The following CSMD1 variants were observed in gnomAD, a reference collection of about 807,000 sequenced individuals.
CSMD1 encodes the protein CUB and sushi domain-containing protein 1.
CSMD1 carries 213 observed loss-of-function variants against 417.5 expected under a neutral mutation model. That is an observed-to-expected ratio of 0.51 (90% CI 0.46 to 0.57). The LOEUF (loss-of-function observed/expected upper bound fraction) is 0.57, where lower values mean the gene tolerates loss of function less well. CSMD1 is among the 20% of genes least tolerant of loss of function. CSMD1 has a pLI of 0.00. For missense variants in CSMD1, 6,923 were observed against 4,529.7 expected (o/e 1.53, Z -15.17); for synonymous variants, 2,862 against 1,736.8 (o/e 1.65, Z -16.11).
At chr8:4,211,069 T>C (rs1345859618) in intron 3 of CSMD1, among the ~76,000 whole-genome samples, 3 of 152,234 alleles carry the variant, frequency 2.0e-5, no homozygotes, top group Non-Finnish European at 4.4e-5. Flanking sequence ...AAGAAATTCA[T>C]GTTCACATAT....
At chr8:4,074,431 G>A (rs1296360612) in intron 3 of CSMD1, among the ~76,000 whole-genome samples, 3 of 151,974 alleles carry the variant, frequency 2.0e-5, no homozygotes, top group African/African-American at 4.8e-5. Flanking sequence ...TTTTGTACAT[G>A]ATTATTTACT....
At chr8:4,543,143 T>TA (rs1038997478) in intron 2 of CSMD1, among the ~76,000 whole-genome samples, 14 of 152,218 alleles carry the variant, frequency 9.2e-5, no homozygotes, top group African/African-American at 1.2e-4. Flanking sequence ...TGAATACTGA[T>TA]ACATTATTGA....
Position 2,984,982 on chromosome 8 carries a change from A to T in CSMD1, c.8378-6182T>A, listed in dbSNP as rs533621356. Among the ~76,000 whole-genome samples the T allele has an allele frequency of 9.4e-4, 143 of 152,356 alleles. 1 individual carries two copies. Among genetic ancestry groups the T allele is most frequent in the African/African-American group, 3.4e-3 (140 of 41,586 alleles). ...TTAAAGTATAACTTCTTTAAGTTTG[A>T]ATTTTAAGTTAACAGTTAACTCTGA... On this transcript the variant is annotated intron_variant, in intron 54 of 69. Coordinates refer to ENST00000635120, the MANE Select transcript of CSMD1 (RefSeq NM_033225.6).
rs2128919605 is a variant in CSMD1, at chr8:2,951,310, C to T, written c.10040-35G>A. 3.2e-6 allele frequency: 5 copies of T among 1,562,856 alleles called. No individual in the cohort carries two copies. The East Asian group carries it at 1.1e-4, about 36-fold the overall frequency. ...GGGGGGAAACAGACCAATGTCAGCA[C>T]ACACACAAACAATAAATTCAGACAT... is the stretch of plus-strand genomic sequence containing the variant. On this transcript the variant is annotated intron_variant, in intron 65 of 69. Coordinates refer to ENST00000635120, the MANE Select transcript of CSMD1 (RefSeq NM_033225.6).
chr8:4,770,627 C>A (rs186556746), intron 1 of CSMD1, among the ~76,000 whole-genome samples: 1 of 151,574 alleles, frequency 6.6e-6, no homozygotes, highest in Non-Finnish European at 1.5e-5. Flanking sequence ...CATGGACCAG[C>A]GGAAGAGAAT....
intron 5 of CSMD1, among the ~76,000 whole-genome samples, chr8:3,845,088 C>A (rs1368866403): frequency 2.6e-5 from 4 of 152,144 alleles, no homozygotes; most frequent in African/African-American, 2.4e-5. Flanking sequence ...AAAATGCATA[C>A]ATATATTTAG....
chr8:3,682,791 C>T (rs1378976574), intron 7 of CSMD1, among the ~76,000 whole-genome samples: 1 of 152,156 alleles, frequency 6.6e-6, no homozygotes, highest in Non-Finnish European at 1.5e-5. Context: ...TGGATCCAAC[C>T]TAAATGTCCA....
At chr8:4,836,673 T>G (rs1412610541) in intron 1 of CSMD1, among the ~76,000 whole-genome samples, 2 of 152,160 alleles carry the variant, frequency 1.3e-5, no homozygotes, top group Non-Finnish European at 2.9e-5. Context: ...AAATTTTAGT[T>G]TTTTATTCAT....
intron 3 of CSMD1, among the ~76,000 whole-genome samples, chr8:4,204,159 C>T (rs925378813): frequency 3.3e-5 from 5 of 152,086 alleles, no homozygotes; most frequent in Non-Finnish European, 7.4e-5. Context: ...TCCTGAAATT[C>T]ATTGACTGTG....
intron 6 of CSMD1, among the ~76,000 whole-genome samples, chr8:3,742,695 C>G (rs975812163): frequency 6.6e-6 from 1 of 151,732 alleles, no homozygotes; most frequent in East Asian, 1.9e-4. Context: ...CCAGTTTAAT[C>G]ACCTGAGAAG....
At chr8:3,798,366 G>C (rs934117153) in intron 5 of CSMD1, among the ~76,000 whole-genome samples, 3 of 151,946 alleles carry the variant, frequency 2.0e-5, no homozygotes, top group African/African-American at 7.2e-5. Context: ...TCTTACATTA[G>C]CCTCTAGTTT....
intron 3 of CSMD1, among the ~76,000 whole-genome samples, chr8:4,073,714 G>C (rs1047807888): frequency 6.6e-6 from 1 of 151,980 alleles, no homozygotes. Context: ...TGCAAATATT[G>C]ACTTGTATAG....
At chr8:3,870,935 T>A (rs934847171) in intron 5 of CSMD1, among the ~76,000 whole-genome samples, 4 of 152,078 alleles carry the variant, frequency 2.6e-5, no homozygotes, top group Non-Finnish European at 5.9e-5. Flanking sequence ...GCTTTTTATG[T>A]ATTCATAAAT....
intron 26 of CSMD1, among the ~76,000 whole-genome samples, chr8:3,277,232 C>T (rs561038361): frequency 2.0e-5 from 3 of 152,132 alleles, no homozygotes; most frequent in Middle Eastern, 6.8e-3. Context: ...TTATTTTTGG[C>T]AGTGGGGAGA....
At chr8:3,445,617 G>C (rs1815253888) in intron 12 of CSMD1, among the ~76,000 whole-genome samples, 2 of 152,214 alleles carry the variant, frequency 1.3e-5, no homozygotes, top group South Asian at 2.1e-4. Flanking sequence ...AAGGCCAGAA[G>C]AGAGGCCATT....
chr8:2,963,314 T>C lies in CSMD1; in HGVS notation c.9362A>G (p.Tyr3121Cys). Residue 3121 changes from tyrosine (Y) to cysteine (C), a missense_variant, in exon 60 of 70, where the codon TAC (tyrosine) becomes TGC (cysteine). Physicochemically the swap from Tyr to Cys is radical, Grantham distance 194. Coordinates refer to ENST00000635120, the MANE Select transcript of CSMD1 (RefSeq NM_033225.6). ...GAGCTGGTAACCGTCCATGCAGCTG[T>C]AACTTATGCTGGAGCCCCAGCGGAA... ...SDFRWGSSISYSCMDGYQLSH... is the reference protein window; with the variant it reads ...SDFRWGSSISCSCMDGYQLSH... The C allele has an allele frequency of 6.2e-7, 1 of 1,613,922 alleles. No individual in the cohort carries two copies. Among genetic ancestry groups the C allele is most frequent in the Non-Finnish European group, 8.5e-7 (1 of 1,179,852 alleles).
chr8:4,449,165 A>C (rs62481018), intron 2 of CSMD1, among the ~76,000 whole-genome samples: 21 of 152,230 alleles, frequency 1.4e-4, no homozygotes, highest in Non-Finnish European at 2.8e-4. Context: ...AGCAATATAG[A>C]TCACTCAAAA....
rs1031378105 is a variant in CSMD1, at chr8:4,142,920, A to G, written c.416-110821T>C. ...CAATAGGAGAAATTATTTTTAGGTC[A>G]TATGTTGAAGTATTTGCATCATAAA... On this transcript the variant is annotated intron_variant, in intron 3 of 69. Coordinates refer to ENST00000635120, the MANE Select transcript of CSMD1 (RefSeq NM_033225.6). Among the ~76,000 whole-genome samples the G allele has an allele frequency of 3.3e-5, 5 of 151,040 alleles. 1 individual carries two copies. The highest frequency in any genetic ancestry group is 1.2e-4 in the African/African-American group (5 of 40,382).
intron 18 of CSMD1, among the ~76,000 whole-genome samples, chr8:3,372,251 G>A (rs1156871701): frequency 6.6e-6 from 1 of 152,154 alleles, no homozygotes; most frequent in Non-Finnish European, 1.5e-5. Flanking sequence ...AGAGAAAGTG[G>A]TTAGGACCAG....
Sources: gnomAD v4.1 joint callset for allele counts (sites outside exome capture counted in the v4.1 genomes callset) on GRCh38, gnomAD v4.1.1 for gene constraint, MANE v1.5 for transcripts, NCBI Gene and HGNC (gene_info 2026-07-23, HGNC 2026-07-21) for gene names.